Variants in TENM1 observed in about 807,000 individuals in gnomAD.
TENM1 encodes teneurin transmembrane protein 1, also known as teneurin-1.
Under a neutral mutation model 174.8 loss-of-function variants are expected in TENM1, and 35 were observed. That is an observed-to-expected ratio of 0.20 (90% CI 0.15 to 0.27). TENM1 has a LOEUF of 0.27. Among genes scored for constraint, TENM1 ranks in the 10% least tolerant of loss-of-function variants. TENM1 has a pLI of 1.00. For missense variants in TENM1, 1,633 were observed against 2,130.1 expected (o/e 0.77, Z 4.59); for synonymous variants, 781 against 798.7 (o/e 0.98, Z 0.37).
At chrX:124,699,657 G>A (rs2052731560) in intron 5 of TENM1, among the ~76,000 whole-genome samples, 2 of 111,672 alleles carry the variant, frequency 1.8e-5, no homozygotes, top group Admixed American at 1.9e-4. Flanking sequence ...GATTCATCAT[G>A]TCATTTTAGT....
the TENM1 span, among the ~76,000 whole-genome samples, chrX:125,019,998 C>T: frequency 5.4e-5 from 6 of 110,643 alleles, no homozygotes; most frequent in African/African-American, 2.0e-4. Context: ...TCTGCCTCCA[C>T]GTTAGAGTTA....
In TENM1 at chrX:124,690,224, T is replaced by A. The variant is rs376545492; in HGVS notation, c.1015+14789A>T. ...CCTTCAAGTTGGCTCCTGTGTCATT[T>A]TGGCATGCCTGAACACTTCCTTGCT... On this transcript the variant is annotated intron_variant, in intron 5 of 31. Transcript: ENST00000422452. 1.1e-3 allele frequency among the ~76,000 whole-genome samples: 125 copies of A among 111,597 alleles called. 1 individual carries two copies. The highest frequency in any genetic ancestry group is 3.8e-3 in the African/African-American group (117 of 30,723).
intron 5 of TENM1, 76 bp from the exon 9 acceptor site, chrX:124,671,911 C>T: frequency 1.9e-6 from 2 of 1,080,219 alleles, no homozygotes; most frequent in South Asian, 2.2e-5. Context: ...TCCCTTTGCA[C>T]CTAAAAATGT....
chrX:124,650,589 A>C (rs1159085536), intron 8 of TENM1, among the ~76,000 whole-genome samples: 1 of 111,548 alleles, frequency 9.0e-6, no homozygotes, highest in Non-Finnish European at 1.9e-5. Context: ...TAATAGGAAG[A>C]CAGAAAGTCT....
intron 11 of TENM1, among the ~76,000 whole-genome samples, chrX:124,619,800 T>C (rs1281895849): frequency 3.6e-5 from 4 of 112,094 alleles, no homozygotes; most frequent in African/African-American, 1.3e-4. Flanking sequence ...TTTAAAAAAC[T>C]ATCAATATGA....
intron 3 of TENM1, among the ~76,000 whole-genome samples, chrX:124,792,941 A>T (rs942538812): frequency 1.2e-4 from 13 of 112,215 alleles, no homozygotes; most frequent in African/African-American, 3.9e-4. Flanking sequence ...GGGCCCTAAC[A>T]TATGGCTAAG....
chrX:124,591,050 C>A (rs1393554119), intron 11 of TENM1, among the ~76,000 whole-genome samples: 1 of 111,697 alleles, frequency 9.0e-6, no homozygotes. Context: ...AGAATAGTGA[C>A]CCCTGCTCTT....
intron 14 of TENM1, among the ~76,000 whole-genome samples, chrX:124,553,870 C>T (rs1219863658): frequency 9.0e-6 from 1 of 111,409 alleles, no homozygotes; most frequent in Non-Finnish European, 1.9e-5. Flanking sequence ...TTTGGGAGGC[C>T]GAGGCAGGCA....
rs768630800 is a variant in TENM1, at chrX:124,848,986, T to TGTTTTACAAAAAGAATATAA, written c.535+45290_535+45309dup. Among the ~76,000 whole-genome samples the TGTTTTACAAAAAGAATATAA allele has an allele frequency of 4.9e-4, 55 of 111,713 alleles. No homozygotes were observed. In the East Asian group the frequency reaches 9.0e-3, roughly 18 times the overall value. On this transcript the variant is annotated intron_variant, in intron 3 of 31. Coordinates refer to ENST00000422452, the Ensembl canonical transcript of TENM1. Reference sequence around the variant, plus strand: ...TATTGTTGTATGGTTTAATTTTTCTTGTTTTACAAAAAGAATATAATCATG... The same window carrying TGTTTTACAAAAAGAATATAA: ...TATTGTTGTATGGTTTAATTTTTCTTGTTTTACAAAAAGAATATAAGTTTTACAAAAAGAATATAATCATG...
At chrX:125,013,883 A>C in the TENM1 span, among the ~76,000 whole-genome samples, 3 of 111,968 alleles carry the variant, frequency 2.7e-5, no homozygotes, top group Non-Finnish European at 3.8e-5. Context: ...ATACAATAGA[A>C]AACATTTTTG....
intron 23 of TENM1, among the ~76,000 whole-genome samples, chrX:124,423,461 T>C (rs982332676): frequency 3.6e-5 from 4 of 111,439 alleles, no homozygotes; most frequent in Non-Finnish European, 7.5e-5. Context: ...CCTCAAATGA[T>C]TTGTGGTATA....
At chrX:124,473,994 C>T (rs2061362178) in intron 22 of TENM1, among the ~76,000 whole-genome samples, 1 of 111,280 alleles carries the variant, frequency 9.0e-6, no homozygotes, top group Non-Finnish European at 1.9e-5. Context: ...AGTCAAATCA[C>T]ATACAACATG....
intron 3 of TENM1, among the ~76,000 whole-genome samples, chrX:124,858,203 T>G (rs1232864440): frequency 1.8e-5 from 2 of 112,610 alleles, no homozygotes; most frequent in African/African-American, 6.4e-5. Context: ...TTGAAACAAA[T>G]TCTAATACAT....
chrX:125,079,669 C>A, the TENM1 span, among the ~76,000 whole-genome samples: 1 of 111,448 alleles, frequency 9.0e-6, no homozygotes, highest in Non-Finnish European at 1.9e-5. Context: ...TTGTCCTATC[C>A]ATTCAAACAG....
At chrX:124,438,462 A>G (rs5911844) in intron 23 of TENM1, among the ~76,000 whole-genome samples, 49,541 of 109,992 alleles carry the variant, frequency 0.45, 9,376 homozygotes, top group Non-Finnish European at 0.6. Context: ...TGAGTGGTTC[A>G]AAAGCAGGTT....
chrX:124,999,098 C>T, the TENM1 span, among the ~76,000 whole-genome samples: 3 of 110,912 alleles, frequency 2.7e-5, no homozygotes, highest in Non-Finnish European at 3.8e-5. Context: ...TTTCTGAAAA[C>T]ATTCACCCAA....
At chrX:124,442,052 T>A (rs1025385222) in intron 23 of TENM1, among the ~76,000 whole-genome samples, 6 of 112,217 alleles carry the variant, frequency 5.3e-5, no homozygotes, top group African/African-American at 1.9e-4. Context: ...CCTTGAGAAA[T>A]GTGTTTTCAA....
chrX:124,483,381 G>C (rs2046886453), intron 21 of TENM1, among the ~76,000 whole-genome samples: 1 of 111,789 alleles, frequency 8.9e-6, no homozygotes, highest in Admixed American at 9.5e-5. Flanking sequence ...GCTTGGTGGA[G>C]AGCAATCTTG....
intron 11 of TENM1, among the ~76,000 whole-genome samples, chrX:124,581,707 TTTTTTAAC>T (rs1337451855): frequency 9.0e-6 from 1 of 111,589 alleles, no homozygotes; most frequent in Non-Finnish European, 1.9e-5. Flanking sequence ...ATCTGTTATT[TTTTTTAAC>T]TTTTTCATAG....
Sources: gnomAD v4.1 joint callset for allele counts (sites outside exome capture counted in the v4.1 genomes callset) on GRCh38, gnomAD v4.1.1 for gene constraint, MANE v1.5 for transcripts, NCBI Gene and HGNC (gene_info 2026-07-23, HGNC 2026-07-21) for gene names.